MOB1A: variants seen among roughly 807,000 people sequenced by gnomAD.
The protein encoded by MOB1A is MOB1 Mps One Binder homolog A.
MOB1A carries 10 observed loss-of-function variants against 25.1 expected under a neutral mutation model. That is an observed-to-expected ratio of 0.40 (90% confidence interval 0.25 to 0.68). The LOEUF (loss-of-function observed/expected upper bound fraction) is 0.68, where lower values mean the gene tolerates loss of function less well. Among genes scored for constraint, MOB1A ranks in the 30% least tolerant of loss-of-function variants. MOB1A has a pLI of 0.40. For synonymous variants in MOB1A, 81 were observed against 79.5 expected (o/e 1.02, Z -0.10); for missense variants, 177 against 256.3 (o/e 0.69, Z 2.11).
At position 74,168,348 on chromosome 2, in the gene MOB1A, C is replaced by G. The variant is rs563688576; in HGVS notation, c.182-1241G>C. Among the ~76,000 whole-genome samples the G allele has an allele frequency of 3.7e-4, 56 of 152,246 alleles. No individual in the cohort carries two copies. The South Asian group carries it at 5.4e-3, about 15-fold the overall frequency. On this transcript the variant is annotated intron_variant, in intron 2 of 5. Coordinates refer to ENST00000396049, the MANE Select transcript of MOB1A (RefSeq NM_018221.5). ...TGAGTATACTCTATGCAAAGAGAAC[C>G]ACATAAGCCTTGGAAAGTTTCAAAA...
At chr2:74,174,035 G>A (rs1448365083) in intron 1 of MOB1A, among the ~76,000 whole-genome samples, 7 of 149,612 alleles carry the variant, frequency 4.7e-5, no homozygotes, top group South Asian at 2.1e-4. Context: ...TTGGGAGGCC[G>A]AGGCAGTGGA....
At chr2:74,158,950 G>C (rs1340693356) in intron 5 of MOB1A, 141 bp downstream of exon 5, 2 of 873,502 alleles carry the variant, frequency 2.3e-6, no homozygotes, top group African/African-American at 1.7e-5. Flanking sequence ...AAATAATGTG[G>C]AAAAGAGAAC....
At chr2:74,165,407 AG>A (rs1693102445) in intron 3 of MOB1A, 56 bp from the exon 4 acceptor site, 3 of 1,136,014 alleles carry the variant, frequency 2.6e-6, no homozygotes, top group Non-Finnish European at 3.6e-6. Flanking sequence ...CAAATGTGCA[AG>A]TTGTGATTAA....
chr2:74,163,758 G>A (rs1464369439), intron 4 of MOB1A, among the ~76,000 whole-genome samples: 2 of 152,002 alleles, frequency 1.3e-5, no homozygotes, highest in African/African-American at 2.4e-5. Flanking sequence ...TAAGAAACTT[G>A]AACAACTGAC....
At chr2:74,159,374 C>T in intron 4 of MOB1A, 120 bp from the exon 5 acceptor site, 2 of 848,372 alleles carry the variant, frequency 2.4e-6, no homozygotes, top group Non-Finnish European at 3.7e-6. Flanking sequence ...TCACTGCAGC[C>T]TCGACCTCCT....
chr2:74,172,738 G>T lies in MOB1A; in HGVS notation c.29C>A (p.Ser10Tyr), dbSNP rs1233046382. Residue 10 changes from serine (S) to tyrosine (Y), a missense_variant, in exon 2 of 6, where the codon TCT becomes TAT. Coordinates refer to ENST00000396049, the MANE Select transcript of MOB1A (RefSeq NM_018221.5). ...ATTCTTCTTTGGTTTGAATGTTTTA[G>T]AAGAGCGGCTGCTGCTGTAAGATTA... The part of the protein sequence containing the change: MSFLFSSRS[S>Y]KTFKPKKNIP... The T allele has an allele frequency of 2.5e-6, 4 of 1,613,544 alleles. No homozygotes were observed. In the South Asian group the frequency reaches 4.4e-5, roughly 18 times the overall value.
intron 1 of MOB1A, among the ~76,000 whole-genome samples, chr2:74,177,852 T>C (rs1693518732): frequency 6.6e-6 from 1 of 152,170 alleles, no homozygotes; most frequent in Non-Finnish European, 1.5e-5. Flanking sequence ...TCTCAAACCT[T>C]AATGTGCATA....
intron 1 of MOB1A, among the ~76,000 whole-genome samples, chr2:74,173,544 C>T (rs1693360109): frequency 6.6e-6 from 1 of 151,252 alleles, no homozygotes; most frequent in South Asian, 2.1e-4. Context: ...CCACACCCAG[C>T]TAATTTTTTT....
chr2:74,152,680 G>A lies in MOB1A; in HGVS notation c.*3888C>T, dbSNP rs1692689687. The stretch of plus-strand genomic sequence containing the variant: ...TTTAGAAGTACAGTTAACTGACTTA[G>A]AAAAATAGATAAAGCCCCTAAGGAT... On this transcript the variant is annotated 3_prime_UTR_variant, in exon 6 of 6. Transcript: ENST00000396049. 1 of 152,078 alleles carries A rather than the reference G, an allele frequency of 6.6e-6. No homozygotes were observed. Among genetic ancestry groups the A allele is most frequent in the African/African-American group, 2.4e-5 (1 of 41,420 alleles). The allele number at this position is 152,078 out of a possible 1,614,324, so 9.4% of individuals were successfully genotyped here.
intron 2 of MOB1A, among the ~76,000 whole-genome samples, chr2:74,170,538 C>T (rs1430379722): frequency 6.6e-6 from 1 of 151,618 alleles, no homozygotes; most frequent in Non-Finnish European, 1.5e-5. Flanking sequence ...AGTTCGAGAC[C>T]AGCCTGGCTA....
chr2:74,168,109 A>T (rs1469348015), intron 2 of MOB1A, among the ~76,000 whole-genome samples: 1 of 152,250 alleles, frequency 6.6e-6, no homozygotes, highest in African/African-American at 2.4e-5. Flanking sequence ...ACTGCACTCC[A>T]GCCTGGGTGA....
rs563480924 is a variant in MOB1A at position 74,172,441 on chromosome 2, T to C, written c.181+145A>G. The stretch of plus-strand genomic sequence containing the variant: ...ACCTAGTACTCTGAAAAGAGCAACA[T>C]AGCTTTGGATGTATTTGTACTTAAT... On this transcript the variant is annotated intron_variant, in intron 2 of 5. Coordinates refer to ENST00000396049, the MANE Select transcript of MOB1A (RefSeq NM_018221.5). 5.1e-6 allele frequency: 4 copies of C among 784,090 alleles called. No individual in the cohort carries two copies. In the African/African-American group the frequency reaches 5.3e-5, roughly 10 times the overall value. 48.6% of individuals were successfully genotyped at this position (784,090 alleles called of 1,614,324 possible). A position where few individuals can be genotyped will look rare whatever the true frequency, so the allele number is the denominator to read the frequency against.
chr2:74,170,366 T>C (rs1693253111), intron 2 of MOB1A, among the ~76,000 whole-genome samples: 1 of 151,806 alleles, frequency 6.6e-6, no homozygotes, highest in Admixed American at 6.6e-5. Context: ...CTCAATCTCC[T>C]GACCTCGTGA....
intron 2 of MOB1A, among the ~76,000 whole-genome samples, chr2:74,171,018 G>A (rs1478512868): frequency 6.6e-6 from 1 of 152,112 alleles, no homozygotes; most frequent in Non-Finnish European, 1.5e-5. Flanking sequence ...GGTGGCTCAC[G>A]CCTGTAATCC....
chr2:74,160,885 C>A (rs1037255264), intron 4 of MOB1A, among the ~76,000 whole-genome samples: 5 of 151,934 alleles, frequency 3.3e-5, no homozygotes, highest in African/African-American at 9.7e-5. Flanking sequence ...ATGGTGAAAC[C>A]CTGTCTCTAC....
chr2:74,161,203 G>T (rs1354912320), intron 4 of MOB1A, among the ~76,000 whole-genome samples: 1 of 152,018 alleles, frequency 6.6e-6, no homozygotes, highest in Non-Finnish European at 1.5e-5. Context: ...TTCCCAGCCA[G>T]TTCTCAATAA....
intron 1 of MOB1A, among the ~76,000 whole-genome samples, chr2:74,176,594 C>G (rs1455658215): frequency 6.6e-6 from 1 of 151,680 alleles, no homozygotes; most frequent in African/African-American, 2.4e-5. Context: ...GAAACCCCGT[C>G]TCTACTAAAA....
rs770874741 is a variant in MOB1A, at chr2:74,156,540, G to C, written c.*28C>G. ...ATAGTTCTAGCAATAGATGAAGCAA[G>C]GGGGTAACTGTGTTCTAGAAGAAAC... On this transcript the variant is annotated 3_prime_UTR_variant, in exon 6 of 6. Coordinates refer to ENST00000396049, the MANE Select transcript of MOB1A (RefSeq NM_018221.5). The C allele has an allele frequency of 5.5e-6, 8 of 1,454,124 alleles. No homozygotes were observed. The highest frequency in any genetic ancestry group is 6.6e-6 in the Non-Finnish European group (7 of 1,058,550). The allele number at this position is 1,454,124 out of a possible 1,614,324, so 90.1% of individuals were successfully genotyped here. A position where few individuals can be genotyped will look rare whatever the true frequency, so the allele number is the denominator to read the frequency against.
chr2:74,156,937 C>T (rs1307126197), intron 5 of MOB1A, among the ~76,000 whole-genome samples: 3 of 151,840 alleles, frequency 2.0e-5, no homozygotes, highest in Non-Finnish European at 2.9e-5. Flanking sequence ...CCACCACGTC[C>T]AGCCCTCTCT....
Sources: gnomAD v4.1 joint callset for allele counts (sites outside exome capture counted in the v4.1 genomes callset) on GRCh38, gnomAD v4.1.1 for gene constraint, MANE v1.5 for transcripts, NCBI Gene and HGNC (gene_info 2026-07-23, HGNC 2026-07-21) for gene names.